FOXP1: variants seen among roughly 807,000 people sequenced by gnomAD.
The protein encoded by FOXP1 is forkhead box P1.
In FOXP1, 15 loss-of-function variants were observed where a neutral mutation model predicts 98.2. The ratio of observed to expected loss-of-function variants is 0.15; its 90% CI spans 0.10 to 0.24. The LOEUF (loss-of-function observed/expected upper bound fraction) is 0.24, where lower values mean the gene tolerates loss of function less well. Among genes scored for constraint, FOXP1 ranks in the 10% least tolerant of loss-of-function variants. The probability of loss-of-function intolerance (pLI) is 1.00; values close to 1 mark genes in which losing one functional copy is unlikely to be tolerated. For missense variants in FOXP1, 633 were observed against 848.5 expected (o/e 0.75, Z 3.15); for synonymous variants, 371 against 314.5 (o/e 1.18, Z -1.90).
At chr3:71,357,395 T>C (rs1180619047) in intron 4 of FOXP1, among the ~76,000 whole-genome samples, 1 of 152,230 alleles carries the variant, frequency 6.6e-6, no homozygotes, top group African/African-American at 2.4e-5. Context: ...GCTAAAATTC[T>C]AACATGTAAA....
intron 3 of FOXP1, among the ~76,000 whole-genome samples, chr3:71,482,617 C>G (rs1171717357): frequency 1.3e-5 from 2 of 152,128 alleles, no homozygotes; most frequent in African/African-American, 2.4e-5. Flanking sequence ...CCAGGCTGGT[C>G]TGGAACTCCT....
At chr3:71,126,855 GA>G (rs757099344) in intron 6 of FOXP1, among the ~76,000 whole-genome samples, 1 of 103,840 alleles carries the variant, frequency 9.6e-6, no homozygotes, top group African/African-American at 4.0e-5. Flanking sequence ...AAACCAAAAA[GA>G]AAAAAAAAAA....
chr3:71,503,087 A>C (rs1425375654), intron 2 of FOXP1, among the ~76,000 whole-genome samples: 2 of 152,170 alleles, frequency 1.3e-5, no homozygotes, highest in Non-Finnish European at 2.9e-5. Context: ...AAAAAAAGGA[A>C]CATATCTCTT....
chr3:71,146,651 CTAAT>C (rs1226322745), intron 6 of FOXP1, among the ~76,000 whole-genome samples: 4 of 152,168 alleles, frequency 2.6e-5, no homozygotes, highest in Non-Finnish European at 5.9e-5. Context: ...ACAAACTACT[CTAAT>C]TGTCTCATTG....
At chr3:71,429,512 G>T (rs187945900) in intron 3 of FOXP1, among the ~76,000 whole-genome samples, 2 of 151,084 alleles carry the variant, frequency 1.3e-5, no homozygotes, top group African/African-American at 4.9e-5. Context: ...GTACTGAAAC[G>T]TCCCTGTCCA....
chr3:71,380,311 C>A (rs183517226), intron 3 of FOXP1, among the ~76,000 whole-genome samples: 1 of 152,238 alleles, frequency 6.6e-6, no homozygotes, highest in Non-Finnish European at 1.5e-5. Context: ...AATTTTACAT[C>A]CACAATACCC....
intron 3 of FOXP1, among the ~76,000 whole-genome samples, chr3:71,369,280 C>T (rs2079126804): frequency 6.6e-6 from 1 of 152,142 alleles, no homozygotes; most frequent in South Asian, 2.1e-4. Context: ...ATAGCCTTGC[C>T]TCTGCAGGCT....
intron 3 of FOXP1, among the ~76,000 whole-genome samples, chr3:71,369,272 A>G (rs1366693109): frequency 1.3e-5 from 2 of 152,028 alleles, no homozygotes; most frequent in Admixed American, 1.3e-4. Flanking sequence ...TAAGGGGCAT[A>G]GCCTTGCCTC....
intron 3 of FOXP1, among the ~76,000 whole-genome samples, chr3:71,491,229 T>C (rs914941272): frequency 2.6e-5 from 4 of 152,196 alleles, no homozygotes; most frequent in African/African-American, 9.7e-5. Flanking sequence ...TTGGTCAGGC[T>C]GGTCTTGAAC....
intron 11 of FOXP1, among the ~76,000 whole-genome samples, chr3:71,018,880 ATG>A (rs1439618550): frequency 6.6e-6 from 1 of 152,146 alleles, no homozygotes; most frequent in East Asian, 1.9e-4. Flanking sequence ...TTGCACACAT[ATG>A]TGTGTTTGCA....
chr3:71,518,171 C>G (rs1350624141), intron 2 of FOXP1, among the ~76,000 whole-genome samples: 1 of 151,976 alleles, frequency 6.6e-6, no homozygotes, highest in Non-Finnish European at 1.5e-5. Context: ...TATCTAAGCA[C>G]ATGCATCTCT....
chr3:71,395,407 G>T (rs553546208), intron 3 of FOXP1, among the ~76,000 whole-genome samples: 1 of 149,930 alleles, frequency 6.7e-6, no homozygotes, highest in Non-Finnish European at 1.5e-5. Flanking sequence ...ATACCCCAGG[G>T]TCTGAACACT....
chr3:71,244,518 A>G (rs565444531), intron 5 of FOXP1, among the ~76,000 whole-genome samples: 3 of 150,522 alleles, frequency 2.0e-5, no homozygotes, highest in Non-Finnish European at 4.4e-5. Context: ...AAAAAAAAAT[A>G]GAAGAAGAAA....
intron 2 of FOXP1, among the ~76,000 whole-genome samples, chr3:71,515,917 T>C (rs2042548473): frequency 6.6e-6 from 1 of 152,244 alleles, no homozygotes; most frequent in Non-Finnish European, 1.5e-5. Context: ...CAAAATGATT[T>C]TGTTTGCAGC....
At chr3:71,086,338 T>C (rs567150857) in intron 7 of FOXP1, among the ~76,000 whole-genome samples, 35 of 152,340 alleles carry the variant, frequency 2.3e-4, no homozygotes, top group African/African-American at 8.2e-4. Flanking sequence ...AGCTTACTTA[T>C]CTAGGACTGC....
chr3:71,499,788 A>G (rs1414533325), intron 2 of FOXP1, among the ~76,000 whole-genome samples: 1 of 152,238 alleles, frequency 6.6e-6, no homozygotes, highest in African/African-American at 2.4e-5. Flanking sequence ...ACTCCTGTGA[A>G]TAACTTTTTG....
Position 71,010,695 on chromosome 3 carries a change from G to C in FOXP1, c.974+4854C>G, listed in dbSNP as rs1264299139. Among the ~76,000 whole-genome samples, 4 of 152,188 alleles carry C rather than the reference G, an allele frequency of 2.6e-5. No homozygotes were observed. In the East Asian group the frequency reaches 7.7e-4, roughly 29 times the overall value. ...ACCATAAGAAATCCCTTCTAAAAAA[G>C]AAAGGGACAACTGAAGAGAAGCGTA... On this transcript the variant is annotated intron_variant, in intron 12 of 20. Transcript: ENST00000649528.
chr3:70,957,586 C>T lies in FOXP1; in HGVS notation c.*1661G>A, dbSNP rs555287785. The T allele has an allele frequency of 4.3e-5, 10 of 232,276 alleles. No individual in the cohort carries two copies. Among genetic ancestry groups the T allele is most frequent in the African/African-American group, 2.2e-4 (10 of 45,366 alleles). The allele number at this position is 232,276 out of a possible 1,614,324, so 14.4% of individuals were successfully genotyped here. On this transcript the variant is annotated 3_prime_UTR_variant, in exon 21 of 21. Coordinates refer to ENST00000649528, the MANE Select transcript of FOXP1 (RefSeq NM_001349338.3). ...CGAAAGGCTCTCGAACTAAAAAAAA[C>T]TACAGTCCTATATAAATAAATGACA...
chr3:71,383,997 C>T (rs1436257244), intron 3 of FOXP1, among the ~76,000 whole-genome samples: 1 of 152,152 alleles, frequency 6.6e-6, no homozygotes, highest in Non-Finnish European at 1.5e-5. Flanking sequence ...GTGGGCGGAT[C>T]ACCTGAGGCA....
Sources: gnomAD v4.1 joint callset for allele counts (sites outside exome capture counted in the v4.1 genomes callset) on GRCh38, gnomAD v4.1.1 for gene constraint, MANE v1.5 for transcripts, NCBI Gene and HGNC (gene_info 2026-07-23, HGNC 2026-07-21) for gene names.